The following ENOX2 variants were observed in gnomAD, a reference collection of about 807,000 sequenced individuals.
ENOX2 encodes the protein ecto-NOX disulfide-thiol exchanger 2.
Under a neutral mutation model 45.0 loss-of-function variants are expected in ENOX2, and 36 were observed. The ratio of observed to expected loss-of-function variants is 0.80; its 90% CI spans 0.61 to 1.06. The LOEUF is 1.06. ENOX2 is among the 50% of genes least tolerant of loss of function. ENOX2 has a pLI of 0.00. For synonymous variants in ENOX2, 174 were observed against 152.3 expected (o/e 1.14, Z -1.05); for missense variants, 423 against 462.5 (o/e 0.91, Z 0.78).
intron 2 of ENOX2, among the ~76,000 whole-genome samples, chrX:130,825,026 C>G (rs148312133): frequency 1.1e-3 from 122 of 110,899 alleles, no homozygotes; most frequent in African/African-American, 3.7e-3. Flanking sequence ...TGAAAAATAT[C>G]TCACACACAT....
At chrX:130,674,409 T>A (rs1361855609) in intron 6 of ENOX2, among the ~76,000 whole-genome samples, 4 of 104,161 alleles carry the variant, frequency 3.8e-5, no homozygotes, top group African/African-American at 1.4e-4. Context: ...GCGAGACAAC[T>A]TCAAGGGGCC....
intron 2 of ENOX2, among the ~76,000 whole-genome samples, chrX:130,825,684 A>G (rs2077706646): frequency 9.0e-6 from 1 of 111,299 alleles, no homozygotes. Flanking sequence ...AATCTCACTC[A>G]TTCTACTCCA....
chrX:130,656,744 G>A (rs1472861631), intron 9 of ENOX2, 49 bp from the exon 10 acceptor site: 1 of 730,668 alleles, frequency 1.4e-6, no homozygotes, highest in Admixed American at 2.6e-5. Context: ...TGAAAATGTT[G>A]AGGAAATGAA....
chrX:130,630,964 AAAACAAAC>A (rs76578446), intron 13 of ENOX2, among the ~76,000 whole-genome samples: 17 of 99,914 alleles, frequency 1.7e-4, no homozygotes, highest in East Asian at 3.3e-4. Context: ...TCTGGAGGTT[AAAACAAAC>A]AAACAAACAA....
chrX:130,890,419 T>C (rs1000725213), intron 2 of ENOX2, among the ~76,000 whole-genome samples: 3 of 111,891 alleles, frequency 2.7e-5, no homozygotes, highest in Non-Finnish European at 3.8e-5. Flanking sequence ...CCTGACTGAT[T>C]TTTTTCAAAT....
At chrX:130,688,759 G>T in intron 5 of ENOX2, 104 bp downstream of exon 5, 1 of 696,609 alleles carries the variant, frequency 1.4e-6, no homozygotes. Context: ...TGAAGCTTTC[G>T]TACAAACATC....
intron 2 of ENOX2, among the ~76,000 whole-genome samples, chrX:130,822,997 T>C (rs1453832741): frequency 1.8e-5 from 2 of 111,679 alleles, no homozygotes; most frequent in Admixed American, 9.5e-5. Flanking sequence ...TGTAACCCCA[T>C]TGTAAGTCAA....
At chrX:130,656,861 G>A (rs1487583128) in intron 9 of ENOX2, among the ~76,000 whole-genome samples, 166 bp from the exon 10 acceptor site, 1 of 111,791 alleles carries the variant, frequency 8.9e-6, no homozygotes, top group Non-Finnish European at 1.9e-5. Context: ...AACAGTCTCA[G>A]ACAAAGCAGA....
At chrX:130,818,203 G>A (rs933137022) in intron 2 of ENOX2, among the ~76,000 whole-genome samples, 3 of 111,034 alleles carry the variant, frequency 2.7e-5, no homozygotes, top group Non-Finnish European at 3.8e-5. Flanking sequence ...AACTTACAAG[G>A]GACTCTTCAA....
At chrX:130,722,554 T>C (rs751202736) in intron 3 of ENOX2, among the ~76,000 whole-genome samples, 4 of 112,164 alleles carry the variant, frequency 3.6e-5, no homozygotes, top group Non-Finnish European at 7.5e-5. Flanking sequence ...AAATCTGTCT[T>C]GAATACAGCT....
At chrX:130,689,138 G>T in intron 4 of ENOX2, 120 bp from the exon 5 acceptor site, 1 of 512,271 alleles carries the variant, frequency 2.0e-6, no homozygotes, top group Non-Finnish European at 3.2e-6. Context: ...TATTTAACAA[G>T]CATGGTACTT....
intron 3 of ENOX2, among the ~76,000 whole-genome samples, chrX:130,725,442 A>T (rs1488498772): frequency 9.3e-6 from 1 of 107,898 alleles, no homozygotes; most frequent in Non-Finnish European, 1.9e-5. Context: ...AAGCAACAGA[A>T]ATAAAAGTGC....
intron 4 of ENOX2, among the ~76,000 whole-genome samples, chrX:130,699,150 C>G (rs1279333950): frequency 8.9e-6 from 1 of 112,262 alleles, no homozygotes; most frequent in Non-Finnish European, 1.9e-5. Context: ...AGCTGCCAGC[C>G]AGAGGGGACC....
At chrX:130,842,204 T>C (rs2078026443) in intron 2 of ENOX2, among the ~76,000 whole-genome samples, 2 of 112,711 alleles carry the variant, frequency 1.8e-5, no homozygotes, top group South Asian at 7.3e-4. Flanking sequence ...TTGTGGATTC[T>C]GGGTAGATAG....
At position 130,667,560 on chromosome X, in the gene ENOX2, T is replaced by C; in HGVS notation, c.877A>G (p.Lys293Glu). 4 of 1,211,346 alleles carry C rather than the reference T, an allele frequency of 3.3e-6. No homozygotes were observed. Among genetic ancestry groups the C allele is most frequent in the Middle Eastern group, 2.3e-4 (1 of 4,346 alleles). Residue 293 changes from lysine (K) to glutamate (E), a missense_variant, in exon 8 of 15, where the codon AAG (lysine) becomes GAG (glutamate). Lys to Glu is a moderately conservative substitution (Grantham distance 56). Coordinates refer to ENST00000394363, the MANE Select transcript of ENOX2 (RefSeq NM_006375.4). ...ATGAGAATTCCAGAAAGGGCCTGCT[T>C]GAACTTCTCCTTTGCTTCTTCCATA... is the stretch of plus-strand genomic sequence containing the variant. ...KDMEEAKEKF[K>E]QALSGILIQF...
chrX:130,654,900 G>A (rs1317955057), intron 10 of ENOX2, among the ~76,000 whole-genome samples: 1 of 111,858 alleles, frequency 8.9e-6, no homozygotes, highest in Non-Finnish European at 1.9e-5. Context: ...TCTAGTAAGT[G>A]CATTCAATCT....
chrX:130,749,752 C>T (rs1006666194), intron 3 of ENOX2, among the ~76,000 whole-genome samples: 8 of 110,731 alleles, frequency 7.2e-5, no homozygotes, highest in African/African-American at 2.3e-4. Context: ...GGGCCTTTGA[C>T]GGTAAGAGTG....
intron 2 of ENOX2, among the ~76,000 whole-genome samples, chrX:130,818,201 AG>A (rs1186610072): frequency 1.8e-5 from 2 of 111,777 alleles, no homozygotes; most frequent in East Asian, 5.6e-4. Flanking sequence ...ACAACTTACA[AG>A]GGACTCTTCA....
intron 2 of ENOX2, among the ~76,000 whole-genome samples, chrX:130,801,269 G>A (rs2077211736): frequency 8.9e-6 from 1 of 112,114 alleles, no homozygotes; most frequent in African/African-American, 3.2e-5. Context: ...CTTATGGTGG[G>A]GGAAGGGGGA....
Sources: gnomAD v4.1 joint callset for allele counts (sites outside exome capture counted in the v4.1 genomes callset) on GRCh38, gnomAD v4.1.1 for gene constraint, MANE v1.5 for transcripts, NCBI Gene and HGNC (gene_info 2026-07-23, HGNC 2026-07-21) for gene names.